Variants in PHACTR2 observed in about 807,000 individuals in gnomAD.
PHACTR2 encodes phosphatase and actin regulator 2.
PHACTR2 carries 30 observed loss-of-function variants against 76.0 expected under a neutral mutation model. The observed-to-expected ratio is 0.39, with a 90% CI of 0.30 to 0.54. The LOEUF (loss-of-function observed/expected upper bound fraction) is 0.54. Among genes scored for constraint, PHACTR2 ranks in the 20% least tolerant of loss-of-function variants. PHACTR2 has a pLI of 0.61. For missense variants in PHACTR2, 696 were observed against 781.1 expected (o/e 0.89, Z 1.30); for synonymous variants, 292 against 292.5 (o/e 1.00, Z 0.02).
rs1487454344 is a variant in PHACTR2, at chr6:143,614,010, C to T, written c.13+5688C>T. On this transcript the variant is annotated intron_variant, in intron 1 of 11. Transcript: ENST00000305766. ...GGCCAAGGCAGGCAGATCACAAGGT[C>T]AGGAGTTCGAGACCAGCCTGACCAA... Among the ~76,000 whole-genome samples, 4 of 152,112 alleles carry T rather than the reference C, an allele frequency of 2.6e-5. No homozygotes were observed. In the East Asian group the frequency reaches 7.7e-4, roughly 29 times the overall value.
At chr6:143,564,196 C>CATATATATATATATAT (rs59017997) in intron 1 of PHACTR2, among the ~76,000 whole-genome samples, 4 of 40,298 alleles carry the variant, frequency 9.9e-5, no homozygotes, top group South Asian at 8.8e-4. Context: ...TGTGTGTGTG[C>CATATATATATATATAT]ATATATATAT....
Position 143,809,726 on chromosome 6 carries a change from A to G in PHACTR2, c.1922+2593A>G. Among the ~76,000 whole-genome samples the G allele has an allele frequency of 6.6e-6, 1 of 151,836 alleles. No individual in the cohort carries two copies. Among genetic ancestry groups the G allele is most frequent in the East Asian group, 1.9e-4 (1 of 5,192 alleles). On this transcript the variant is annotated intron_variant, in intron 12 of 12. Coordinates refer to ENST00000440869, the MANE Select transcript of PHACTR2 (RefSeq NM_001100164.2). The surrounding 1 kb of genome is among the most constrained non-coding windows in gnomAD (Gnocchi z 4.2). The stretch of plus-strand genomic sequence containing the variant: ...TGTGTGTATGTGTGTATATATATAT[A>G]TATATTAAATATGTGTATGTACATG...
chr6:143,778,658 G>T (rs989159640), intron 9 of PHACTR2, among the ~76,000 whole-genome samples: 6 of 152,120 alleles, frequency 3.9e-5, no homozygotes, highest in Non-Finnish European at 5.9e-5. Context: ...AACCAAAAAG[G>T]TTCATTGCTT....
At position 143,791,845 on chromosome 6, in the gene PHACTR2, A is replaced by G. The variant is rs1279674448; in HGVS notation, c.1845+2935A>G. On this transcript the variant is annotated intron_variant, in intron 11 of 12. Coordinates refer to ENST00000440869, the MANE Select transcript of PHACTR2 (RefSeq NM_001100164.2). This position sits in a 1 kb window ranked among gnomAD's most constrained non-coding sequence, Gnocchi z 4.7. ...ATTTTTAAACTGGATTGTCAAAATGAGTTATTTTATACTACCTTAGTACTA... is the reference window on the plus strand; with the variant it reads ...ATTTTTAAACTGGATTGTCAAAATGGGTTATTTTATACTACCTTAGTACTA... 2.0e-5 allele frequency among the ~76,000 whole-genome samples: 3 copies of G among 152,152 alleles called. No homozygotes were observed. Among genetic ancestry groups the G allele is most frequent in the African/African-American group, 4.8e-5 (2 of 41,420 alleles).
chr6:143,788,661 C>G, intron 10 of PHACTR2, 112 bp from the exon 11 acceptor site: 9 of 494,622 alleles, frequency 1.8e-5, no homozygotes, highest in Non-Finnish European at 2.1e-5. Flanking sequence ...TTTTTTTGAT[C>G]TGAAAGTGAC....
Position 143,556,965 on chromosome 6 carries a change from A to G in PHACTR2, c.217+19758A>G, listed in dbSNP as rs2128428403. Among the ~76,000 whole-genome samples, 2 of 152,262 alleles carry G rather than the reference A, an allele frequency of 1.3e-5. No homozygotes were observed. Among genetic ancestry groups the G allele is most frequent in the South Asian group, 4.1e-4 (2 of 4,824 alleles). ...TCAGAGAGACCACATTTCCTTTTGA[A>G]ACAAAAATGAGGCCAGAAAGAAAGG... On this transcript the variant is annotated intron_variant, in intron 1 of 11. Coordinates refer to the PHACTR2 transcript ENST00000367584. The surrounding 1 kb of genome is among the most constrained non-coding windows in gnomAD (Gnocchi z 4.3).
rs1776297952 is a variant in PHACTR2, at chr6:143,816,477, T to C, written c.1923-7197T>C. On this transcript the variant is annotated intron_variant, in intron 12 of 12. Coordinates refer to ENST00000440869, the MANE Select transcript of PHACTR2 (RefSeq NM_001100164.2). This position sits in a 1 kb window ranked among gnomAD's most constrained non-coding sequence, Gnocchi z 4.5. ...TTTGTTTTCCTTCTGGTTGTTACTT[T>C]TTACCGAATCTGGGCAATCTATCTA... 6.6e-6 allele frequency among the ~76,000 whole-genome samples: 1 copy of C among 152,178 alleles called. No homozygotes were observed. Among genetic ancestry groups the C allele is most frequent in the Non-Finnish European group, 1.5e-5 (1 of 68,034 alleles).
chr6:143,570,763 G>A lies in PHACTR2; in HGVS notation c.217+33556G>A, dbSNP rs894513233. Among the ~76,000 whole-genome samples the A allele has an allele frequency of 6.6e-6, 1 of 152,114 alleles. No homozygotes were observed. Among genetic ancestry groups the A allele is most frequent in the Non-Finnish European group, 1.5e-5 (1 of 68,030 alleles). ...GGAGAAGTAGCAGGTTCATCGACTC[G>A]TTCTGGTAGGGGGCCTCTATCTTAT... On this transcript the variant is annotated intron_variant, in intron 1 of 11. Transcript: ENST00000367584. The surrounding 1 kb of genome is among the most constrained non-coding windows in gnomAD (Gnocchi z 4.6).
At chr6:143,766,640 G>T (rs1779569571) in intron 6 of PHACTR2, among the ~76,000 whole-genome samples, 1 of 152,148 alleles carries the variant, frequency 6.6e-6, no homozygotes, top group Non-Finnish European at 1.5e-5. Flanking sequence ...TGAACAAAAT[G>T]GGCCAAGGAA....
At chr6:143,545,164 C>T (rs1265459161) in intron 1 of PHACTR2, among the ~76,000 whole-genome samples, 3 of 152,004 alleles carry the variant, frequency 2.0e-5, no homozygotes, top group Non-Finnish European at 2.9e-5. Flanking sequence ...AGGATGGTCT[C>T]GAACTCCTGA....
rs1775429468 is a variant in PHACTR2 at position 143,570,050 on chromosome 6, A to G, written c.217+32843A>G. Among the ~76,000 whole-genome samples, 1 of 152,194 alleles carries G rather than the reference A, an allele frequency of 6.6e-6. No individual in the cohort carries two copies. The highest frequency in any genetic ancestry group is 2.1e-4 in the South Asian group (1 of 4,832). Reference sequence around the variant, plus strand: ...ATGTTTAAATCTAGGAACCTAAATAATAAAAGTCCCAGTCCAATCCTTTGA... The same window carrying G: ...ATGTTTAAATCTAGGAACCTAAATAGTAAAAGTCCCAGTCCAATCCTTTGA... On this transcript the variant is annotated intron_variant, in intron 1 of 11. Coordinates refer to the PHACTR2 transcript ENST00000367584. This position sits in a 1 kb window ranked among gnomAD's most constrained non-coding sequence, Gnocchi z 4.6.
At chr6:143,607,672 A>G (rs1775899095), upstream of PHACTR2, among the ~76,000 whole-genome samples, 2 of 152,232 alleles carry the variant, frequency 1.3e-5, no homozygotes, top group Non-Finnish European at 2.9e-5. Flanking sequence ...GGCAATACTC[A>G]ACTTCCTAAT....
At position 143,751,037 on chromosome 6, in the gene PHACTR2, A is replaced by G. The variant is rs1779172163; in HGVS notation, c.295+1972A>G. 6.6e-6 allele frequency among the ~76,000 whole-genome samples: 1 copy of G among 152,192 alleles called. No individual in the cohort carries two copies. The highest frequency in any genetic ancestry group is 6.5e-5 in the Admixed American group (1 of 15,276). ...GTTTTCTGTGATTTTCCCAAAAGCA[A>G]TTATCTGGAGAATTTCAGTCTGAGA... On this transcript the variant is annotated intron_variant, in intron 3 of 12. Coordinates refer to ENST00000440869, the MANE Select transcript of PHACTR2 (RefSeq NM_001100164.2). The surrounding 1 kb of genome is among the most constrained non-coding windows in gnomAD (Gnocchi z 5.7).
intron 11 of PHACTR2, among the ~76,000 whole-genome samples, chr6:143,792,567 G>T (rs961038482): frequency 6.6e-6 from 1 of 152,108 alleles, no homozygotes; most frequent in Non-Finnish European, 1.5e-5. Flanking sequence ...GTAGGTTGGG[G>T]ATTTAGTCAG....
chr6:143,687,020 T>C (rs887706897), intron 1 of PHACTR2, among the ~76,000 whole-genome samples: 2 of 152,188 alleles, frequency 1.3e-5, no homozygotes, highest in Non-Finnish European at 2.9e-5. Flanking sequence ...AATGAAAACA[T>C]TGGTCCCAAT....
In PHACTR2 at chr6:143,738,654, G is replaced by T. The variant is rs769969112; in HGVS notation, c.215-10331G>T. ...GCCTGTAGTCCCAGCTACTTAGGAG[G>T]CTAAGGTGAGAGGATGGCTTGAGCC... On this transcript the variant is annotated intron_variant, in intron 2 of 12. Transcript: ENST00000440869. The surrounding 1 kb of genome is among the most constrained non-coding windows in gnomAD (Gnocchi z 4.0). 2.0e-5 allele frequency among the ~76,000 whole-genome samples: 3 copies of T among 151,844 alleles called. No individual in the cohort carries two copies. Among genetic ancestry groups the T allele is most frequent in the Non-Finnish European group, 1.5e-5 (1 of 67,984 alleles).
rs2128426539 is a variant in PHACTR2, at chr6:143,543,413, T to A, written c.217+6206T>A. 1.3e-5 allele frequency among the ~76,000 whole-genome samples: 2 copies of A among 152,278 alleles called. No individual in the cohort carries two copies. The highest frequency in any genetic ancestry group is 3.9e-4 in the East Asian group (2 of 5,180). On this transcript the variant is annotated intron_variant, in intron 1 of 11. Coordinates refer to the PHACTR2 transcript ENST00000367584. This position sits in a 1 kb window ranked among gnomAD's most constrained non-coding sequence, Gnocchi z 4.7. ...AAGACATCCCTCAGGAACTCACAGT[T>A]TAGTGGGGAAAGACAGGCCAATAAG...
At chr6:143,786,596 C>T (rs1775562201) in intron 10 of PHACTR2, among the ~76,000 whole-genome samples, 1 of 152,156 alleles carries the variant, frequency 6.6e-6, no homozygotes, top group Non-Finnish European at 1.5e-5. Flanking sequence ...TAAAGGCATA[C>T]CCTAGACTGG....
chr6:143,742,183 A>C lies in PHACTR2; in HGVS notation c.215-6802A>C, dbSNP rs547632922. On this transcript the variant is annotated intron_variant, in intron 2 of 12. Coordinates refer to ENST00000440869, the MANE Select transcript of PHACTR2 (RefSeq NM_001100164.2). This position sits in a 1 kb window ranked among gnomAD's most constrained non-coding sequence, Gnocchi z 4.5. The stretch of plus-strand genomic sequence containing the variant: ...CTTCACTGCTGATGAATCATGACAA[A>C]CTTAATGAAAGAGAGAACTCATTGG... Among the ~76,000 whole-genome samples the C allele has an allele frequency of 2.3e-4, 35 of 149,894 alleles. No homozygotes were observed. In the South Asian group the frequency reaches 7.0e-3, roughly 30 times the overall value.
Sources: allele counts gnomAD v4.1 joint callset (sites outside exome capture counted in the v4.1 genomes callset), GRCh38; gene constraint gnomAD v4.1.1; non-coding constraint Gnocchi (gnomAD v3.1); transcripts MANE v1.5; gene names NCBI Gene and HGNC (gene_info 2026-07-23, HGNC 2026-07-21).